Variants in CNBD2 observed in about 807,000 individuals in gnomAD.
CNBD2 encodes cyclic nucleotide-binding domain-containing protein 2.
A neutral mutation model predicts 63.7 loss-of-function variants in CNBD2; 64 were observed. The ratio of observed to expected loss-of-function variants is 1.00; its 90% CI spans 0.82 to 1.24. CNBD2 has a LOEUF of 1.24. CNBD2 is among the 50% of genes most tolerant of loss of function. CNBD2 has a pLI of 0.00. For synonymous variants in CNBD2, 229 were observed against 255.4 expected, an observed-to-expected ratio of 0.90 and a Z score of 0.99; for missense variants, 691 against 713.5, an observed-to-expected ratio of 0.97 and a Z score of 0.36.
At chr20:35,956,000 C>T (rs1466034750), downstream of CNBD2, among the ~76,000 whole-genome samples, 3 of 152,140 alleles carry the variant, frequency 2.0e-5, no homozygotes, top group South Asian at 2.1e-4. Context: ...GCATTACAGG[C>T]GTGAGCCACC....
At chr20:36,004,265 A>G (rs1393117536) in intron 8 of CNBD2, among the ~76,000 whole-genome samples, 1 of 152,144 alleles carries the variant, frequency 6.6e-6, no homozygotes, top group African/African-American at 2.4e-5. Flanking sequence ...CCCAATACAC[A>G]TGTGCTGATT....
chr20:35,960,414 A>C (rs6060720), intron 2 of CNBD2, among the ~76,000 whole-genome samples: 40,592 of 152,152 alleles, frequency 0.27, 6,543 homozygotes, highest in African/African-American at 0.46. Context: ...GCAGTCCTAG[A>C]TCACTGCAGC....
intron 8 of CNBD2, among the ~76,000 whole-genome samples, chr20:35,998,040 CTTTTT>C (rs1046661526): frequency 7.9e-6 from 1 of 127,116 alleles, no homozygotes. Context: ...TTTTCTTTTT[CTTTTT>C]TTTTTTTTTT....
intron 7 of CNBD2, among the ~76,000 whole-genome samples, chr20:35,988,787 T>G (rs977364703): frequency 7.9e-5 from 12 of 152,086 alleles, no homozygotes; most frequent in African/African-American, 2.9e-4. Flanking sequence ...GATGTACATT[T>G]TTGTTGGTGC....
chr20:36,009,699 G>C (rs1172170052), intron 9 of CNBD2, among the ~76,000 whole-genome samples: 1 of 152,000 alleles, frequency 6.6e-6, no homozygotes, highest in African/African-American at 2.4e-5. Context: ...GGGTGTGGTG[G>C]CGGATGCCTG....
At chr20:35,973,128 T>G in intron 2 of CNBD2, 1 of 387,658 alleles carries the variant, frequency 2.6e-6, no homozygotes, top group South Asian at 6.9e-5. Context: ...AGTTTTTCTC[T>G]TTCCAAATTC....
Position 35,983,990 on chromosome 20 carries a change from G to T in CNBD2, c.416G>T (p.Arg139Leu), listed in dbSNP as rs138045142. The T allele has an allele frequency of 4.3e-6, 7 of 1,614,164 alleles. No individual in the cohort carries two copies. In the African/African-American group the frequency reaches 5.3e-5, roughly 12 times the overall value. Residue 139 changes from arginine (R) to leucine (L), a missense_variant, in exon 5 of 12, where the codon CGC (arginine) becomes CTC (leucine). Transcript: ENST00000373973. Reference sequence around the variant, plus strand: ...CAGTGGTCTTTTCCCAGGTTTGGTCGCAGGCGTGTGATCATCAAGAAGGGG... The same window carrying T: ...CAGTGGTCTTTTCCCAGGTTTGGTCTCAGGCGTGTGATCATCAAGAAGGGG... Reference protein sequence around the residue: ...AKVMRFERFGRRRVIIKKGQK... With the variant: ...AKVMRFERFGLRRVIIKKGQK...
chr20:36,030,700 G>A lies in CNBD2; in HGVS notation c.*52G>A. 1 of 1,585,138 alleles carries A rather than the reference G, an allele frequency of 6.3e-7. No homozygotes were observed. Among genetic ancestry groups the A allele is most frequent in the Non-Finnish European group, 8.6e-7 (1 of 1,158,780 alleles). ...GGACAAATAAAGGATGGTGGATTGG[G>A]CGCTGTGCTTTCTGAATGACCACCA... On this transcript the variant is annotated 3_prime_UTR_variant, in exon 12 of 12. Transcript: ENST00000373973.
In CNBD2 at chr20:35,972,619, G is replaced by T; in HGVS notation, c.52-10G>T. 6.2e-7 allele frequency: 1 copy of T among 1,613,800 alleles called. No individual in the cohort carries two copies. The highest frequency in any genetic ancestry group is 2.2e-5 in the East Asian group (1 of 44,886). The stretch of plus-strand genomic sequence containing the variant: ...GGTTTCTATTGATCTTGTTTGCTTT[G>T]TTTCCATAGGGACTGTACCAGCTCG... On this transcript the variant is annotated splice_polypyrimidine_tract_variant and intron_variant, in intron 1 of 11. Transcript: ENST00000373973.
chr20:36,023,709 A>G lies in CNBD2; in HGVS notation c.1377A>G (p.Glu459=). The stretch of plus-strand genomic sequence containing the variant: ...GGATAAGGAAGGAAATATTTTATGA[A>G]CTGATTGACAATGATGACGAGATGA... The part of the protein sequence containing the change: ...LIRIRKEIFY[E]LIDNDDEMIK... The change falls in exon 11 of 12, where the codon GAA becomes GAG. Residue 459 remains glutamate (E), a synonymous_variant. Coordinates refer to ENST00000373973, the MANE Select transcript of CNBD2 (RefSeq NM_001365709.1). 1 of 1,613,838 alleles carries G rather than the reference A, an allele frequency of 6.2e-7. No homozygotes were observed.
chr20:35,987,286 T>G (rs1010316744), intron 6 of CNBD2, 109 bp from the exon 7 acceptor site: 1 of 1,272,328 alleles, frequency 7.9e-7, no homozygotes, highest in African/African-American at 1.5e-5. Context: ...AGCGAAATCT[T>G]CCACCCAGGC....
At chr20:35,958,027 A>T (rs1322479321), downstream of CNBD2, among the ~76,000 whole-genome samples, 1 of 152,252 alleles carries the variant, frequency 6.6e-6, no homozygotes, top group African/African-American at 2.4e-5. Context: ...ACTCTTTCAG[A>T]GACCTCAGTG....
intron 8 of CNBD2, among the ~76,000 whole-genome samples, chr20:35,997,259 A>T (rs776228669): frequency 3.4e-4 from 51 of 151,914 alleles, no homozygotes; most frequent in Admixed American, 1.3e-3. Context: ...TTCCCTTGAG[A>T]TTGTAATCTG....
At chr20:35,985,136 A>G (rs1253564949) in intron 6 of CNBD2, among the ~76,000 whole-genome samples, 1 of 151,964 alleles carries the variant, frequency 6.6e-6, no homozygotes, top group South Asian at 2.1e-4. Context: ...TACAAAATAA[A>G]AAATTAAAAA....
Position 36,011,221 on chromosome 20 carries a change from C to A in CNBD2, c.1233C>A (p.Tyr411Ter). ...ELPKEAAVGA[Y>*]VKVHTVEQGE... ...CCAAGGAGGCTGCAGTGGGGGCCTA[C>A]GTGAAGGTGCACACTGTGGAGCAGG... Residue 411 changes from tyrosine (Y) to a stop codon, truncating the protein, a stop_gained, in exon 10 of 12, where the codon TAC (tyrosine) becomes TAA (stop). Transcript: ENST00000373973. LOFTEE classifies it high-confidence loss of function. 6.3e-7 allele frequency: 1 copy of A among 1,592,768 alleles called. No individual in the cohort carries two copies. The highest frequency in any genetic ancestry group is 1.1e-5 in the South Asian group (1 of 87,764).
rs1478950229 is a variant in CNBD2, at chr20:35,984,004, A to C, written c.430A>C (p.Ile144Leu). The C allele has an allele frequency of 6.2e-7, 1 of 1,614,254 alleles. No individual in the cohort carries two copies. Among genetic ancestry groups the C allele is most frequent in the East Asian group, 2.2e-5 (1 of 44,882 alleles). The change falls in exon 5 of 12, where the codon ATC (isoleucine) becomes CTC (leucine). Residue 144 changes from isoleucine to leucine, a missense_variant. Transcript: ENST00000373973. ...FERFGRRRVIIKKGQKGNSFY... is the reference protein window; with the variant it reads ...FERFGRRRVILKKGQKGNSFY... ...CAGGTTTGGTCGCAGGCGTGTGATC[A>C]TCAAGAAGGGGCAGAAGGGCAACAG...
At chr20:35,960,509 G>T (rs925910242) in intron 2 of CNBD2, among the ~76,000 whole-genome samples, 1 of 152,098 alleles carries the variant, frequency 6.6e-6, no homozygotes, top group Non-Finnish European at 1.5e-5. Flanking sequence ...CCCACTAATT[G>T]TTTTTTTGTT....
At chr20:36,028,169 C>A (rs1344563957) in intron 11 of CNBD2, among the ~76,000 whole-genome samples, 2 of 152,262 alleles carry the variant, frequency 1.3e-5, no homozygotes, top group East Asian at 3.9e-4. Context: ...GGAGCCTTAG[C>A]TCCTTGCATA....
chr20:35,971,913 A>G (rs1174489470), intron 1 of CNBD2, among the ~76,000 whole-genome samples: 1 of 152,100 alleles, frequency 6.6e-6, no homozygotes, highest in Non-Finnish European at 1.5e-5. Context: ...TATCTTCTGT[A>G]TTCACTTGTT....
Sources: allele counts gnomAD v4.1 joint callset (sites outside exome capture counted in the v4.1 genomes callset), GRCh38; gene constraint gnomAD v4.1.1; transcripts MANE v1.5; gene names NCBI Gene and HGNC (gene_info 2026-07-23, HGNC 2026-07-21).